MICU1: variants seen among roughly 807,000 people sequenced by gnomAD.
MICU1 encodes mitochondrial calcium uptake 1.
MICU1 carries 45 observed loss-of-function variants against 56.8 expected under a neutral mutation model. The observed-to-expected ratio is 0.79, with a 90% CI of 0.62 to 1.02. The LOEUF is 1.02. Ranked by LOEUF, MICU1 falls within the 50% of genes least tolerant of loss-of-function variation. The pLI is 0.00. For synonymous variants in MICU1, 186 were observed against 195.1 expected (o/e 0.95, Z 0.39); for missense variants, 504 against 587.1 (o/e 0.86, Z 1.46).
At chr10:72,467,478 C>T (rs957232200) in intron 8 of MICU1, among the ~76,000 whole-genome samples, 1 of 152,058 alleles carries the variant, frequency 6.6e-6, no homozygotes, top group African/African-American at 2.4e-5. Flanking sequence ...CCACCACTCC[C>T]GGCCTAATTT....
chr10:72,436,069 T>C (rs532362576), intron 8 of MICU1, among the ~76,000 whole-genome samples: 1 of 152,310 alleles, frequency 6.6e-6, no homozygotes, highest in South Asian at 2.1e-4. Flanking sequence ...GCTCTGAAAA[T>C]GGACAGAATG....
intron 11 of MICU1, 115 bp downstream of exon 11, chr10:72,375,668 A>G: frequency 1.1e-6 from 1 of 896,588 alleles, no homozygotes; most frequent in Admixed American, 3.1e-5. Flanking sequence ...AAAGGTGGGT[A>G]GCTTGAAGAG....
intron 1 of MICU1, among the ~76,000 whole-genome samples, chr10:72,602,833 C>T (rs1462578809): frequency 3.3e-5 from 5 of 152,106 alleles, no homozygotes; most frequent in African/African-American, 4.8e-5. Context: ...TGCAGCCAGG[C>T]GCGGTGGCTC....
chr10:72,396,350 A>C (rs974861497), intron 10 of MICU1, among the ~76,000 whole-genome samples: 1 of 152,240 alleles, frequency 6.6e-6, no homozygotes, highest in Non-Finnish European at 1.5e-5. Context: ...AGAAAAGCTG[A>C]AAATTCTAAA....
chr10:72,437,419 C>T (rs374056724), intron 8 of MICU1, among the ~76,000 whole-genome samples: 1 of 152,140 alleles, frequency 6.6e-6, no homozygotes, highest in Non-Finnish European at 1.5e-5. Flanking sequence ...AAGGAACAAC[C>T]GGTACCAGCC....
chr10:72,369,947 C>A (rs1056740833), intron 11 of MICU1, among the ~76,000 whole-genome samples: 1 of 129,066 alleles, frequency 7.7e-6, no homozygotes, highest in East Asian at 2.3e-4. Flanking sequence ...GTGGTGCGAT[C>A]TCGGATCACT....
chr10:72,415,500 A>C (rs1863956230), intron 9 of MICU1, among the ~76,000 whole-genome samples: 1 of 152,146 alleles, frequency 6.6e-6, no homozygotes, highest in Non-Finnish European at 1.5e-5. Flanking sequence ...ACTTCTCTTC[A>C]ACTGTTGCCT....
chr10:72,442,623 T>C (rs1470696811), intron 8 of MICU1, among the ~76,000 whole-genome samples: 1 of 152,248 alleles, frequency 6.6e-6, no homozygotes, highest in East Asian at 1.9e-4. Context: ...TTGCCTGGCA[T>C]GTTGTTCTCC....
chr10:72,503,015 A>G (rs1255213226), intron 6 of MICU1: 1 of 154,204 alleles, frequency 6.5e-6, no homozygotes, highest in Non-Finnish European at 1.5e-5. Context: ...AAGTGACAGG[A>G]GCCCAGATGC....
intron 6 of MICU1, among the ~76,000 whole-genome samples, chr10:72,478,538 T>C (rs950956983): frequency 2.6e-5 from 4 of 152,220 alleles, no homozygotes; most frequent in Non-Finnish European, 5.9e-5. Flanking sequence ...AAATTTCAGT[T>C]AACATCATTT....
chr10:72,603,539 C>T (rs1304373719), intron 1 of MICU1, among the ~76,000 whole-genome samples: 1 of 151,816 alleles, frequency 6.6e-6, no homozygotes, highest in East Asian at 1.9e-4. Flanking sequence ...GTAAGTCGCC[C>T]AGGCACAGTA....
chr10:72,606,813 C>T (rs149731252), intron 1 of MICU1, among the ~76,000 whole-genome samples: 74 of 152,100 alleles, frequency 4.9e-4, no homozygotes, highest in African/African-American at 1.7e-3. Flanking sequence ...GGATTTCAGC[C>T]CTGGCCTCCA....
At chr10:72,598,681 C>T (rs1191952280) in intron 1 of MICU1, among the ~76,000 whole-genome samples, 1 of 151,964 alleles carries the variant, frequency 6.6e-6, no homozygotes. Context: ...AGAGGAAATC[C>T]TGACAATGGT....
intron 1 of MICU1, among the ~76,000 whole-genome samples, chr10:72,623,197 G>A (rs986740124): frequency 2.6e-5 from 4 of 151,478 alleles, no homozygotes; most frequent in East Asian, 1.9e-4. Context: ...CTTGAACCCC[G>A]GAGGCAGAGG....
chr10:72,368,212 C>T lies in MICU1; in HGVS notation c.1414G>A (p.Ala472Thr), dbSNP rs779006988. 2.0e-5 allele frequency: 32 copies of T among 1,612,832 alleles called. No individual in the cohort carries two copies. The highest frequency in any genetic ancestry group is 2.2e-5 in the Non-Finnish European group (26 of 1,179,500). Residue 472 changes from alanine to threonine, a missense_variant, in exon 12 of 12, where the codon GCT becomes ACT. Transcript: ENST00000361114. ...KCAQETAWDF[A>T]LPKQ Reference sequence around the variant, plus strand: ...GTGTGGGGTTACTGTTTGGGTAAAGCGAAGTCCCAGGCAGTTTCCTGTGCA... The same window carrying T: ...GTGTGGGGTTACTGTTTGGGTAAAGTGAAGTCCCAGGCAGTTTCCTGTGCA...
At chr10:72,551,121 C>T in intron 4 of MICU1, 58 bp downstream of exon 4, 1 of 1,486,522 alleles carries the variant, frequency 6.7e-7, no homozygotes, top group Non-Finnish European at 9.0e-7. Flanking sequence ...TAGAAAGAGA[C>T]AAAGTAGCCT....
intron 1 of MICU1, among the ~76,000 whole-genome samples, chr10:72,577,344 T>C (rs1044791940): frequency 1.3e-5 from 2 of 151,894 alleles, no homozygotes; most frequent in Non-Finnish European, 2.9e-5. Flanking sequence ...ACTCCGTCTC[T>C]ACTAAAAATA....
At chr10:72,558,632 G>C (rs569783962) in intron 3 of MICU1, among the ~76,000 whole-genome samples, 32 of 152,130 alleles carry the variant, frequency 2.1e-4, no homozygotes, top group Non-Finnish European at 4.3e-4. Context: ...CCAAACTGTT[G>C]TTGGGTTCAG....
intron 8 of MICU1, among the ~76,000 whole-genome samples, chr10:72,430,872 T>C (rs1330009179): frequency 6.6e-6 from 1 of 152,178 alleles, no homozygotes; most frequent in Non-Finnish European, 1.5e-5. Context: ...TTATTTTCAA[T>C]AGTTTAAAAC....
Sources: gnomAD v4.1 joint callset for allele counts (sites outside exome capture counted in the v4.1 genomes callset) on GRCh38, gnomAD v4.1.1 for gene constraint, MANE v1.5 for transcripts, NCBI Gene and HGNC (gene_info 2026-07-23, HGNC 2026-07-21) for gene names.